The following RFTN1 variants were observed in gnomAD, a reference collection of about 807,000 sequenced individuals.
RFTN1 encodes the protein raftlin.
RFTN1 carries 26 observed loss-of-function variants against 46.5 expected under a neutral mutation model. That is an observed-to-expected ratio of 0.56 (90% CI 0.41 to 0.78). RFTN1 has a LOEUF of 0.78. Among genes scored for constraint, RFTN1 ranks in the 30% least tolerant of loss-of-function variants. The pLI is 0.00. For synonymous variants in RFTN1, 261 were observed against 284.2 expected, an observed-to-expected ratio of 0.92 and a Z score of 0.82; for missense variants, 693 against 718.7, an observed-to-expected ratio of 0.96 and a Z score of 0.41.
chr3:16,406,895 A>C (rs2074869873), intron 4 of RFTN1, among the ~76,000 whole-genome samples: 2 of 152,220 alleles, frequency 1.3e-5, no homozygotes, highest in African/African-American at 4.8e-5. Flanking sequence ...ATGAATCATC[A>C]GACACACATG....
intron 2 of RFTN1, among the ~76,000 whole-genome samples, chr3:16,492,392 C>G (rs968488707): frequency 6.6e-6 from 1 of 152,188 alleles, no homozygotes; most frequent in African/African-American, 2.4e-5. Context: ...TCACACATAT[C>G]TACCCCATTC....
In RFTN1 at chr3:16,499,913, T is replaced by C. The variant is rs901648373; in HGVS notation, c.-8-6036A>G. Among the ~76,000 whole-genome samples the C allele has an allele frequency of 6.6e-6, 1 of 152,206 alleles. No homozygotes were observed. The highest frequency in any genetic ancestry group is 1.9e-4 in the East Asian group (1 of 5,194). ...ACCTAAGAGTGGGGTTGTTGGGTTATATGATAAGTGCAGGAGCCCTGTTAA... is the reference window on the plus strand; with the variant it reads ...ACCTAAGAGTGGGGTTGTTGGGTTACATGATAAGTGCAGGAGCCCTGTTAA... On this transcript the variant is annotated intron_variant, in intron 1 of 9. Transcript: ENST00000334133. This position sits in a 1 kb window ranked among gnomAD's most constrained non-coding sequence, Gnocchi z 4.9.
chr3:16,394,565 A>G (rs579168), intron 4 of RFTN1, among the ~76,000 whole-genome samples: 56,219 of 151,952 alleles, frequency 0.37, 11,603 homozygotes, highest in Non-Finnish European at 0.44. Flanking sequence ...GGAGTGGGGA[A>G]TTGTGGGCGT....
rs938738 is a variant in RFTN1, at chr3:16,446,153, C to G, written c.146-12116G>C. On this transcript the variant is annotated intron_variant, in intron 2 of 9. Transcript: ENST00000334133. The surrounding 1 kb of genome is among the most constrained non-coding windows in gnomAD (Gnocchi z 4.5). Reference sequence around the variant, plus strand: ...ATGCAAACTGCTACCTGCAGTCACTCTGGTGGATGGTGAACTCTGGGGTCC... The same window carrying G: ...ATGCAAACTGCTACCTGCAGTCACTGTGGTGGATGGTGAACTCTGGGGTCC... Among the ~76,000 whole-genome samples the G allele has an allele frequency of 6.6e-6, 1 of 152,080 alleles. No individual in the cohort carries two copies. The highest frequency in any genetic ancestry group is 1.5e-5 in the Non-Finnish European group (1 of 68,016).
chr3:16,330,523 C>G (rs1433387242), intron 7 of RFTN1, among the ~76,000 whole-genome samples: 1 of 152,202 alleles, frequency 6.6e-6, no homozygotes, highest in Non-Finnish European at 1.5e-5. Context: ...CAACAACACT[C>G]AAAAGCCAGC....
chr3:16,433,185 T>TAA lies in RFTN1; in HGVS notation c.332+664_332+665dup, dbSNP rs1553595285. On this transcript the variant is annotated intron_variant, in intron 3 of 9. Coordinates refer to ENST00000334133, the MANE Select transcript of RFTN1 (RefSeq NM_015150.2). The surrounding 1 kb of genome is among the most constrained non-coding windows in gnomAD (Gnocchi z 4.4). ...TCCCATCCTCACTGTTTTTTTTTTT[T>TAA]AAAAAAATTAATATTGTTCCTTTTG... 0.22 allele frequency among the ~76,000 whole-genome samples: 32,599 copies of TAA among 150,118 alleles called. 3,893 individuals carry two copies. Among genetic ancestry groups the TAA allele is most frequent in the African/African-American group, 0.32 (12,986 of 40,880 alleles).
At chr3:16,378,253 G>A in intron 4 of RFTN1, 151 bp from the exon 5 acceptor site, 1 of 649,066 alleles carries the variant, frequency 1.5e-6, no homozygotes, top group Non-Finnish European at 2.7e-6. Flanking sequence ...ATGTCCTCAG[G>A]GGCACCTGCC....
In RFTN1 at chr3:16,452,526, G is replaced by A. The variant is rs1298058963; in HGVS notation, c.146-18489C>T. Among the ~76,000 whole-genome samples, 2 of 152,220 alleles carry A rather than the reference G, an allele frequency of 1.3e-5. No homozygotes were observed. The highest frequency in any genetic ancestry group is 2.9e-5 in the Non-Finnish European group (2 of 68,034). On this transcript the variant is annotated intron_variant, in intron 2 of 9. Transcript: ENST00000334133. The surrounding 1 kb of genome is among the most constrained non-coding windows in gnomAD (Gnocchi z 6.3). ...TGCACCTAATGATGGGCAGATGAAC[G>A]TTTGTTTTCAATGAATTCACTGTGA...
At chr3:16,377,667 C>T (rs371804195) in intron 5 of RFTN1, 51 bp downstream of exon 5, 5 of 1,526,722 alleles carry the variant, frequency 3.3e-6, no homozygotes, top group African/African-American at 1.4e-5. Flanking sequence ...TAATGAAAAG[C>T]TGTTAGCTGC....
rs690388 is a variant in RFTN1 at position 16,342,762 on chromosome 3, C to A, written c.1146+15170G>T. ...TAAAGAGGCCACTGATTTAAAAGCTCTGTGTCAACATGCATGCCCAGCTTA... is the reference window on the plus strand; with the variant it reads ...TAAAGAGGCCACTGATTTAAAAGCTATGTGTCAACATGCATGCCCAGCTTA... On this transcript the variant is annotated intron_variant, in intron 7 of 9. Coordinates refer to ENST00000334133, the MANE Select transcript of RFTN1 (RefSeq NM_015150.2). This position sits in a 1 kb window ranked among gnomAD's most constrained non-coding sequence, Gnocchi z 4.0. 0.74 allele frequency among the ~76,000 whole-genome samples: 112,054 copies of A among 152,198 alleles called. 41,402 individuals carry two copies. The highest frequency in any genetic ancestry group is 0.78 in the Admixed American group (12,003 of 15,300).
At chr3:16,319,226 T>C (rs1284770340) in intron 9 of RFTN1, among the ~76,000 whole-genome samples, 2 of 152,238 alleles carry the variant, frequency 1.3e-5, no homozygotes, top group Non-Finnish European at 2.9e-5. Context: ...GAAGCCTACC[T>C]GTGTAGTATA....
rs746923366 is a variant in RFTN1 at position 16,426,131 on chromosome 3, G to A, written c.332+7720C>T. On this transcript the variant is annotated intron_variant, in intron 3 of 9. Transcript: ENST00000334133. This position sits in a 1 kb window ranked among gnomAD's most constrained non-coding sequence, Gnocchi z 5.9. Reference sequence around the variant, plus strand: ...CTGCAGTTTCCCATCACAGTAGCACGCATCAATCAGTGCTAAACCCACCGT... The same window carrying A: ...CTGCAGTTTCCCATCACAGTAGCACACATCAATCAGTGCTAAACCCACCGT... Among the ~76,000 whole-genome samples the A allele has an allele frequency of 1.3e-5, 2 of 152,128 alleles. No individual in the cohort carries two copies. The highest frequency in any genetic ancestry group is 2.1e-4 in the South Asian group (1 of 4,820).
At chr3:16,472,980 T>A (rs2076223004) in intron 2 of RFTN1, among the ~76,000 whole-genome samples, 1 of 152,018 alleles carries the variant, frequency 6.6e-6, no homozygotes, top group Admixed American at 6.6e-5. Flanking sequence ...CTGCACAGAG[T>A]CAGACAGGTA....
At position 16,474,204 on chromosome 3, in the gene RFTN1, C is replaced by T. The variant is rs76257075; in HGVS notation, c.145+19521G>A. Among the ~76,000 whole-genome samples the T allele has an allele frequency of 6.4e-3, 967 of 152,260 alleles. 11 individuals carry two copies. The highest frequency in any genetic ancestry group is 0.023 in the African/African-American group (937 of 41,540). On this transcript the variant is annotated intron_variant, in intron 2 of 9. Coordinates refer to ENST00000334133, the MANE Select transcript of RFTN1 (RefSeq NM_015150.2). The surrounding 1 kb of genome is among the most constrained non-coding windows in gnomAD (Gnocchi z 5.5). Reference sequence around the variant, plus strand: ...TGATGACTTTATTCAATTCTAACAACGCCAGGAAATATACTGCATTTTACA... The same window carrying T: ...TGATGACTTTATTCAATTCTAACAATGCCAGGAAATATACTGCATTTTACA...
intron 7 of RFTN1, chr3:16,339,411 T>C (rs2071158795): frequency 6.6e-6 from 1 of 152,200 alleles, no homozygotes; most frequent in African/African-American, 2.4e-5. Context: ...AGCTGGAATA[T>C]CCTGCCTTCA....
At chr3:16,490,353 C>G (rs1168675870) in intron 2 of RFTN1, among the ~76,000 whole-genome samples, 1 of 152,170 alleles carries the variant, frequency 6.6e-6, no homozygotes, top group Non-Finnish European at 1.5e-5. Flanking sequence ...AGGTAGGGGC[C>G]TGTGCAGAAA....
rs1387630543 is a variant in RFTN1, at chr3:16,384,284, T to C, written c.442-6182A>G. On this transcript the variant is annotated intron_variant, in intron 4 of 9. Coordinates refer to ENST00000334133, the MANE Select transcript of RFTN1 (RefSeq NM_015150.2). This position sits in a 1 kb window ranked among gnomAD's most constrained non-coding sequence, Gnocchi z 4.7. Reference sequence around the variant, plus strand: ...CACATGAGCCAGTTCCTTAAAATAATCAATTTTCTCTCTTCCCACCAGGAG... The same window carrying C: ...CACATGAGCCAGTTCCTTAAAATAACCAATTTTCTCTCTTCCCACCAGGAG... 1.3e-5 allele frequency among the ~76,000 whole-genome samples: 2 copies of C among 152,228 alleles called. No homozygotes were observed. The highest frequency in any genetic ancestry group is 1.3e-4 in the Admixed American group (2 of 15,284).
Position 16,317,258 on chromosome 3 carries a change from A to C in RFTN1, c.1333-26T>G, listed in dbSNP as rs749815032. On this transcript the variant is annotated intron_variant, in intron 9 of 9. Coordinates refer to ENST00000334133, the MANE Select transcript of RFTN1 (RefSeq NM_015150.2). This position sits in a 1 kb window ranked among gnomAD's most constrained non-coding sequence, Gnocchi z 4.3. ...CTAGAAATCAGAAAGGATGGGGATA[A>C]ATAACAAGCCTCCGGGAACCCAGAG... 1 of 1,606,904 alleles carries C rather than the reference A, an allele frequency of 6.2e-7. No homozygotes were observed. Among genetic ancestry groups the C allele is most frequent in the Non-Finnish European group, 8.5e-7 (1 of 1,179,462 alleles).
In RFTN1 at chr3:16,510,351, C is replaced by T. The variant is rs570406568; in HGVS notation, c.-9+3091G>A. 1.2e-4 allele frequency among the ~76,000 whole-genome samples: 19 copies of T among 152,294 alleles called. No homozygotes were observed. In the East Asian group the frequency reaches 3.3e-3, roughly 26 times the overall value. ...AGAAGCTTAGTAAAATTCTGTGGGG[C>T]TTGGGGTTATTTTTCTTTTTATAGA... On this transcript the variant is annotated intron_variant, in intron 1 of 9. Coordinates refer to ENST00000334133, the MANE Select transcript of RFTN1 (RefSeq NM_015150.2).
Sources: allele counts gnomAD v4.1 joint callset (sites outside exome capture counted in the v4.1 genomes callset), GRCh38; gene constraint gnomAD v4.1.1; non-coding constraint Gnocchi (gnomAD v3.1); transcripts MANE v1.5; gene names NCBI Gene and HGNC (gene_info 2026-07-23, HGNC 2026-07-21).